The following FGB variants were observed in gnomAD, a reference collection of about 807,000 sequenced individuals.
FGB encodes the protein fibrinogen beta chain, also known as beta-fibrinogen.
Under a neutral mutation model 57.9 loss-of-function variants are expected in FGB, and 25 were observed. The observed-to-expected ratio is 0.43, with a 90% confidence interval of 0.31 to 0.60. The LOEUF (loss-of-function observed/expected upper bound fraction) is 0.60. Ranked by LOEUF, FGB falls within the 20% of genes least tolerant of loss-of-function variation. The pLI is 0.08. For synonymous variants in FGB, 203 were observed against 199.2 expected, an observed-to-expected ratio of 1.02 and a Z score of -0.16; for missense variants, 536 against 598.4, an observed-to-expected ratio of 0.90 and a Z score of 1.09.
In FGB at chr4:154,569,586, T is replaced by C. The variant is rs150330219; in HGVS notation, c.1031T>C (p.Met344Thr). 7 of 1,613,928 alleles carry C rather than the reference T, an allele frequency of 4.3e-6. No individual in the cohort carries two copies. In the African/African-American group the frequency reaches 9.3e-5, roughly 22 times the overall value. Reference protein sequence around the residue: ...RMGPTELLIEMEDWKGDKVKA... With the variant: ...RMGPTELLIETEDWKGDKVKA... ...GGACCCACAGAACTTTTGATAGAAA[T>C]GGAGGACTGGAAAGGAGACAAAGTA... Residue 344 changes from methionine (M) to threonine (T), a missense_variant, in exon 7 of 8, where the codon ATG (methionine) becomes ACG (threonine). This residue lies in a region of FGB where 177 missense variants were observed against 193.7 expected (regional missense o/e 0.91). Transcript: ENST00000302068.
intron 7 of FGB, 32 bp downstream of exon 7, chr4:154,569,831 A>G: frequency 6.2e-7 from 1 of 1,610,044 alleles, no homozygotes; most frequent in South Asian, 1.1e-5. Flanking sequence ...CCTGCTTTAA[A>G]AATCACACTA....
intron 1 of FGB, among the ~76,000 whole-genome samples, chr4:154,564,724 T>G (rs1730083654): frequency 6.6e-6 from 1 of 152,084 alleles, no homozygotes; most frequent in Non-Finnish European, 1.5e-5. Flanking sequence ...CGTTTGTTAA[T>G]TTGTAATTAA....
At chr4:154,564,305 C>A (rs549556225) in intron 1 of FGB, among the ~76,000 whole-genome samples, 1 of 151,808 alleles carries the variant, frequency 6.6e-6, no homozygotes, top group Non-Finnish European at 1.5e-5. Flanking sequence ...ATTTCCTTTT[C>A]TCTAGTAAAG....
chr4:154,569,394 T>C, intron 6 of FGB, 87 bp downstream of exon 6: 2 of 1,597,544 alleles, frequency 1.3e-6, no homozygotes, highest in Non-Finnish European at 1.7e-6. Context: ...GAAGCCTGTT[T>C]TAGGCAGTTA....
In FGB at chr4:154,565,793, C is replaced by T. The variant is rs777342297; in HGVS notation, c.115-15C>T. 2.3e-5 allele frequency: 37 copies of T among 1,612,568 alleles called. No individual in the cohort carries two copies. Among genetic ancestry groups the T allele is most frequent in the Non-Finnish European group, 2.9e-5 (34 of 1,178,732 alleles). ...TATAACACTCTGTATTATATTTCTG[C>T]CTCATTCCTTGTAGGGTTTCTTCAG... On this transcript the variant is annotated splice_polypyrimidine_tract_variant and intron_variant, in intron 1 of 7. Coordinates refer to ENST00000302068, the MANE Select transcript of FGB (RefSeq NM_005141.5).
At position 154,569,255 on chromosome 4, in the gene FGB, A is replaced by T. The variant is rs142064127; in HGVS notation, c.906A>T (p.Gly302=). ...FGRKWDPYKQ[G]FGNVATNTDG... is the part of the protein sequence containing the mutation. ...GGAAATGGGATCCATATAAACAGGG[A>T]TTTGGAAATGTTGCAACCAACACAG... Residue 302 remains glycine, a synonymous_variant, in exon 6 of 8, where the codon GGA becomes GGT. Coordinates refer to ENST00000302068, the MANE Select transcript of FGB (RefSeq NM_005141.5). The T allele has an allele frequency of 6.2e-7, 1 of 1,614,028 alleles. No individual in the cohort carries two copies. Among genetic ancestry groups the T allele is most frequent in the Non-Finnish European group, 8.5e-7 (1 of 1,180,006 alleles).
rs748837060 is a variant in FGB at position 154,569,176 on chromosome 4, C to T, written c.833-6C>T. 6.2e-7 allele frequency: 1 copy of T among 1,613,958 alleles called. No individual in the cohort carries two copies. On this transcript the variant is annotated splice_polypyrimidine_tract_variant and splice_region_variant and intron_variant, in intron 5 of 7. Coordinates refer to ENST00000302068, the MANE Select transcript of FGB (RefSeq NM_005141.5). ...TATATGCTCTTTTTGTTTCTGTCAA[C>T]CAAAGGATGGACAGTGATTCAGAAC... is the stretch of plus-strand genomic sequence containing the variant.
intron 1 of FGB, chr4:154,565,252 G>A: frequency 2.3e-6 from 1 of 439,536 alleles, no homozygotes; most frequent in East Asian, 7.7e-5. Context: ...CAACCCTACG[G>A]TCAAGACCTA....
At chr4:154,565,408 A>G (rs1730113657) in intron 1 of FGB, 1 of 280,492 alleles carries the variant, frequency 3.6e-6, no homozygotes, top group Non-Finnish European at 7.3e-6. Flanking sequence ...ACAAAAATGA[A>G]AGTAGGGAAA....
At chr4:154,564,771 AT>A (rs559754078) in intron 1 of FGB, among the ~76,000 whole-genome samples, 181 of 152,136 alleles carry the variant, frequency 1.2e-3, no homozygotes, top group African/African-American at 4.1e-3. Flanking sequence ...AAAAAAAAAA[AT>A]GAGAATGTAG....
chr4:154,567,970 G>T (rs1730236025), intron 4 of FGB, 150 bp downstream of exon 4: 1 of 731,336 alleles, frequency 1.4e-6, no homozygotes, highest in Non-Finnish European at 2.4e-6. Flanking sequence ...TCCTTAGCCA[G>T]TTGTGTTTTG....
In FGB at chr4:154,570,496, A is replaced by T; in HGVS notation, c.1322A>T (p.Asn441Ile). The T allele has an allele frequency of 6.2e-7, 1 of 1,614,198 alleles. No individual in the cohort carries two copies. The highest frequency in any genetic ancestry group is 8.5e-7 in the Non-Finnish European group (1 of 1,180,034). The change falls in exon 8 of 8, where the codon AAT becomes ATT. Residue 441 changes from asparagine (N) to isoleucine (I), a missense_variant. Physicochemically the swap from Asn to Ile is moderately radical, Grantham distance 149. Transcript: ENST00000302068. ...TGGTATAATAGATGTCATGCAGCCA[A>T]TCCAAACGGCAGATACTACTGGGGT... is the stretch of plus-strand genomic sequence containing the variant. ...GWWYNRCHAA[N>I]PNGRYYWGGQ...
At chr4:154,566,052 T>G (rs1578782311) in intron 2 of FGB, 53 bp downstream of exon 2, 1 of 1,498,134 alleles carries the variant, frequency 6.7e-7, no homozygotes, top group East Asian at 2.3e-5. Context: ...AGAGAAAGCC[T>G]GTAGTCATGG....
At chr4:154,568,794 T>C (rs1730287083) in intron 5 of FGB, among the ~76,000 whole-genome samples, 4 of 150,772 alleles carry the variant, frequency 2.7e-5, no homozygotes, top group Admixed American at 2.6e-4. Flanking sequence ...GCCCACAACC[T>C]GGAGTCTTGA....
At chr4:154,567,220 A>C (rs1451472793) in intron 3 of FGB, among the ~76,000 whole-genome samples, 1 of 152,228 alleles carries the variant, frequency 6.6e-6, no homozygotes, top group Non-Finnish European at 1.5e-5. Context: ...AGGTTCTGCT[A>C]TACTTATGTG....
chr4:154,570,526 A>G lies in FGB; in HGVS notation c.1352A>G (p.Gln451Arg). 6.2e-7 allele frequency: 1 copy of G among 1,614,168 alleles called. No individual in the cohort carries two copies. The highest frequency in any genetic ancestry group is 1.1e-5 in the South Asian group (1 of 91,088). ...AACGGCAGATACTACTGGGGTGGACAGTACACCTGGGACATGGCAAAGCAT... is the reference window on the plus strand; with the variant it reads ...AACGGCAGATACTACTGGGGTGGACGGTACACCTGGGACATGGCAAAGCAT... ...NPNGRYYWGGQYTWDMAKHGT... is the reference protein window; with the variant it reads ...NPNGRYYWGGRYTWDMAKHGT... The change falls in exon 8 of 8, where the codon CAG becomes CGG. Residue 451 changes from glutamine to arginine, a missense_variant. Coordinates refer to ENST00000302068, the MANE Select transcript of FGB (RefSeq NM_005141.5).
At position 154,570,674 on chromosome 4, in the gene FGB, CT is replaced by C; in HGVS notation, c.*26del. The C allele has an allele frequency of 6.4e-7, 1 of 1,558,066 alleles. No homozygotes were observed. Among genetic ancestry groups the C allele is most frequent in the Middle Eastern group, 1.7e-4 (1 of 5,966 alleles). On this transcript the variant is annotated 3_prime_UTR_variant, in exon 8 of 8. Transcript: ENST00000302068. ...AGTCCCCAATACGTAGATTTTTGCT[CT>C]TCTGTATGTGACAACATTTTTGTAC...
In FGB at chr4:154,572,214, T is replaced by C. The variant is rs929540685; in HGVS notation, c.*1564T>C. 6.6e-6 allele frequency among the ~76,000 whole-genome samples: 1 copy of C among 152,142 alleles called. No homozygotes were observed. The highest frequency in any genetic ancestry group is 1.5e-5 in the Non-Finnish European group (1 of 68,030). On this transcript the variant is annotated 3_prime_UTR_variant, in exon 8 of 8. Coordinates refer to ENST00000302068, the MANE Select transcript of FGB (RefSeq NM_005141.5). ...AAGTTTTTCCCCATTCCAGGACAGG[T>C]CAGGCCCTTTAAAAATTTCAACAGC... is the stretch of plus-strand genomic sequence containing the variant.
At chr4:154,566,395 C>A in intron 2 of FGB, 94 bp from the exon 3 acceptor site, 1 of 1,153,176 alleles carries the variant, frequency 8.7e-7, no homozygotes, top group Non-Finnish European at 1.3e-6. Flanking sequence ...TTTATGTTGG[C>A]TAATCGTATC....
Sources: allele counts gnomAD v4.1 joint callset (sites outside exome capture counted in the v4.1 genomes callset), GRCh38; gene constraint gnomAD v4.1.1; regional missense constraint gnomAD v4.1.1; transcripts MANE v1.5; gene names NCBI Gene and HGNC (gene_info 2026-07-23, HGNC 2026-07-21).